The following TMEM132D variants were observed in gnomAD, a reference collection of about 807,000 sequenced individuals.
TMEM132D encodes transmembrane protein 132D.
A neutral mutation model predicts 62.3 loss-of-function variants in TMEM132D; 21 were observed. The ratio of observed to expected loss-of-function variants is 0.34; its 90% CI spans 0.24 to 0.49. The LOEUF (loss-of-function observed/expected upper bound fraction) is 0.49, where lower values mean the gene tolerates loss of function less well. Among genes scored for constraint, TMEM132D ranks in the 20% least tolerant of loss-of-function variants. The pLI is 0.99. For synonymous variants in TMEM132D, 621 were observed against 575.6 expected (o/e 1.08, Z -1.13); for missense variants, 1,346 against 1,402.8 (o/e 0.96, Z 0.65).
chr12:129,232,829 A>AAG (rs138298025), intron 4 of TMEM132D, among the ~76,000 whole-genome samples: 10,121 of 149,682 alleles, frequency 0.068, 376 homozygotes, highest in African/African-American at 0.099. Flanking sequence ...GAGAGAGATA[A>AAG]AGAGAGAGAG....
At chr12:129,467,621 A>G (rs1873953398) in intron 3 of TMEM132D, among the ~76,000 whole-genome samples, 2 of 152,172 alleles carry the variant, frequency 1.3e-5, no homozygotes, top group Admixed American at 6.5e-5. Context: ...GGAATTTGGG[A>G]TGATGACAGA....
Position 129,588,740 on chromosome 12 carries a change from A to AT in TMEM132D, c.969-57536dup, listed in dbSNP as rs71451320. 8.6e-3 allele frequency among the ~76,000 whole-genome samples: 268 copies of AT among 31,102 alleles called. 6 individuals are homozygous for AT. The highest frequency in any genetic ancestry group is 0.025 in the African/African-American group (255 of 10,050). The allele number at this position is 31,102 out of a possible 152,430, so 20.4% of individuals were successfully genotyped here. Reference sequence around the variant, plus strand: ...CAGGCACCTGCCACCACGCCCAGCTATTTTTTTCTTTTTTTTTTTTTTTTT... The same window carrying AT: ...CAGGCACCTGCCACCACGCCCAGCTATTTTTTTTCTTTTTTTTTTTTTTTTT... On this transcript the variant is annotated intron_variant, in intron 2 of 8. Coordinates refer to ENST00000422113, the MANE Select transcript of TMEM132D (RefSeq NM_133448.3).
At chr12:129,423,944 C>T (rs1872401441) in intron 3 of TMEM132D, among the ~76,000 whole-genome samples, 1 of 152,156 alleles carries the variant, frequency 6.6e-6, no homozygotes, top group African/African-American at 2.4e-5. Context: ...GGTTAGGCTG[C>T]CCAGGTAGCT....
rs145211098 is a variant in TMEM132D, at chr12:129,553,288, C to T, written c.969-22083G>A. On this transcript the variant is annotated intron_variant, in intron 2 of 8. Transcript: ENST00000422113. ...GCTGCGTGAGTCCATCCTGGGGCTACGAGACTTTGCACCTGTGCTGCTGCT... is the reference window on the plus strand; with the variant it reads ...GCTGCGTGAGTCCATCCTGGGGCTATGAGACTTTGCACCTGTGCTGCTGCT... Among the ~76,000 whole-genome samples the T allele has an allele frequency of 3.2e-3, 493 of 152,262 alleles. 8 individuals carry two copies. The highest frequency in any genetic ancestry group is 6.9e-3 in the East Asian group (36 of 5,180).
chr12:129,097,075 G>A (rs1157915190), intron 5 of TMEM132D, among the ~76,000 whole-genome samples: 1 of 152,226 alleles, frequency 6.6e-6, no homozygotes, highest in Non-Finnish European at 1.5e-5. Context: ...GCCAGGTGCT[G>A]GTCCTGGCCA....
Position 129,165,526 on chromosome 12 carries a change from C to T in TMEM132D, c.1443+43994G>A, listed in dbSNP as rs1176591056. Among the ~76,000 whole-genome samples the T allele has an allele frequency of 2.6e-5, 4 of 152,246 alleles. No individual in the cohort carries two copies. The East Asian group carries it at 7.7e-4, about 29-fold the overall frequency. On this transcript the variant is annotated intron_variant, in intron 5 of 8. Transcript: ENST00000422113. ...TAGGTGTGTGACAAAACAAGCACAG[C>T]AAAATGTTCATTGCAAAATAAAACA...
chr12:129,321,009 C>T (rs1053444232), intron 4 of TMEM132D, among the ~76,000 whole-genome samples: 2 of 150,032 alleles, frequency 1.3e-5, no homozygotes, highest in African/African-American at 5.1e-5. Context: ...TGTCATCTAT[C>T]TCTGTATACA....
chr12:129,152,853 A>G (rs1200967850), intron 5 of TMEM132D, among the ~76,000 whole-genome samples: 1 of 152,084 alleles, frequency 6.6e-6, no homozygotes, highest in East Asian at 1.9e-4. Context: ...TGGTAGTTTC[A>G]GCCAACAGGA....
chr12:129,342,042 C>T (rs1869507351), intron 3 of TMEM132D, among the ~76,000 whole-genome samples: 1 of 152,150 alleles, frequency 6.6e-6, no homozygotes, highest in African/African-American at 2.4e-5. Context: ...ATCAAGCTAC[C>T]AATGACTTTC....
intron 3 of TMEM132D, among the ~76,000 whole-genome samples, chr12:129,421,206 G>T (rs1248403256): frequency 6.6e-6 from 1 of 152,008 alleles, no homozygotes; most frequent in East Asian, 1.9e-4. Flanking sequence ...CAAATGATCC[G>T]CCTGCCTCAG....
At chr12:129,352,196 A>G (rs1869889304) in intron 3 of TMEM132D, among the ~76,000 whole-genome samples, 2 of 152,210 alleles carry the variant, frequency 1.3e-5, no homozygotes, top group African/African-American at 4.8e-5. Context: ...ACAGACCCAG[A>G]GTTGGAGTGT....
chr12:129,430,141 C>T (rs886247029), intron 3 of TMEM132D, among the ~76,000 whole-genome samples: 17 of 152,128 alleles, frequency 1.1e-4, no homozygotes, highest in Non-Finnish European at 2.4e-4. Flanking sequence ...AGTTCTAGAT[C>T]CCTGATGAAT....
chr12:129,805,725 C>T (rs1001164388), intron 1 of TMEM132D, among the ~76,000 whole-genome samples: 2 of 150,810 alleles, frequency 1.3e-5, no homozygotes, highest in African/African-American at 4.9e-5. Context: ...TTCTGCACAG[C>T]AAAAGAAACT....
At chr12:129,188,926 C>T (rs10847789) in intron 5 of TMEM132D, among the ~76,000 whole-genome samples, 45,165 of 152,024 alleles carry the variant, frequency 0.3, 7,213 homozygotes, top group East Asian at 0.54. Context: ...CTGGCATGCA[C>T]CGTTCTGACT....
intron 2 of TMEM132D, among the ~76,000 whole-genome samples, chr12:129,614,110 C>T (rs1424353369): frequency 6.7e-6 from 1 of 148,258 alleles, no homozygotes; most frequent in African/African-American, 2.5e-5. Context: ...ATAACCTAGG[C>T]GACTGTCTCC....
chr12:129,832,426 G>T (rs1014447604), intron 1 of TMEM132D, among the ~76,000 whole-genome samples: 1 of 151,606 alleles, frequency 6.6e-6, no homozygotes, highest in South Asian at 2.1e-4. Context: ...ATAACATATC[G>T]AATAGGACAT....
At chr12:129,548,277 C>T (rs976798297) in intron 2 of TMEM132D, among the ~76,000 whole-genome samples, 2 of 152,240 alleles carry the variant, frequency 1.3e-5, no homozygotes, top group Non-Finnish European at 1.5e-5. Context: ...GGAGGCAGTC[C>T]GCAGCACTCT....
intron 2 of TMEM132D, among the ~76,000 whole-genome samples, chr12:129,657,684 A>G (rs1321744915): frequency 6.6e-6 from 1 of 152,236 alleles, no homozygotes; most frequent in Non-Finnish European, 1.5e-5. Context: ...TTTGAAAAGC[A>G]CTTGGCAACC....
intron 2 of TMEM132D, among the ~76,000 whole-genome samples, chr12:129,531,623 G>A (rs2137089754): frequency 6.6e-6 from 1 of 152,246 alleles, no homozygotes; most frequent in Non-Finnish European, 1.5e-5. Flanking sequence ...GTCTCCCAGT[G>A]CCAGGCCCTG....
Sources: allele counts gnomAD v4.1 joint callset (sites outside exome capture counted in the v4.1 genomes callset), GRCh38; gene constraint gnomAD v4.1.1; transcripts MANE v1.5; gene names NCBI Gene and HGNC (gene_info 2026-07-23, HGNC 2026-07-21).